Variants in ARHGAP44 observed in about 807,000 individuals in gnomAD.
The protein encoded by ARHGAP44 is Rho GTPase activating protein 44.
Under a neutral mutation model 106.8 loss-of-function variants are expected in ARHGAP44, and 43 were observed. That is an observed-to-expected ratio of 0.40 (90% CI 0.32 to 0.52). The LOEUF (loss-of-function observed/expected upper bound fraction) is 0.52. Among genes scored for constraint, ARHGAP44 ranks in the 20% least tolerant of loss-of-function variants. ARHGAP44 has a pLI of 0.48. For missense variants in ARHGAP44, 866 were observed against 1,050.5 expected (o/e 0.82, Z 2.43); for synonymous variants, 439 against 410.3 (o/e 1.07, Z -0.85).
rs552944667 is a variant in ARHGAP44, at chr17:12,979,100, T to G, written c.1764-958T>G. The stretch of plus-strand genomic sequence containing the variant: ...GAATCCAGGTAGGTTCTAGCACGGA[T>G]GACAGATGGCTCCCAACTGTGGGGC... On this transcript the variant is annotated intron_variant, in intron 18 of 20. Coordinates refer to ENST00000379672, the MANE Select transcript of ARHGAP44 (RefSeq NM_014859.6). 7.9e-5 allele frequency among the ~76,000 whole-genome samples: 12 copies of G among 152,342 alleles called. No homozygotes were observed. The South Asian group carries it at 2.5e-3, about 32-fold the overall frequency.
intron 10 of ARHGAP44, among the ~76,000 whole-genome samples, chr17:12,946,676 C>G (rs981461366): frequency 1.3e-5 from 2 of 151,654 alleles, no homozygotes; most frequent in Non-Finnish European, 2.9e-5. Context: ...GCACACGCAT[C>G]TGTAATCCCA....
intron 1 of ARHGAP44, among the ~76,000 whole-genome samples, chr17:12,841,637 C>A (rs7222493): frequency 0.48 from 48,254 of 100,528 alleles, 8,806 homozygotes; most frequent in Non-Finnish European, 0.56. Flanking sequence ...CACACACACA[C>A]ACAAACAAAC....
At chr17:12,969,062 C>T (rs925694652) in intron 16 of ARHGAP44, among the ~76,000 whole-genome samples, 1 of 152,178 alleles carries the variant, frequency 6.6e-6, no homozygotes, top group Non-Finnish European at 1.5e-5. Context: ...AGCCACTGCA[C>T]CTGGCCTCCC....
At chr17:12,852,345 C>T (rs532489001) in intron 1 of ARHGAP44, among the ~76,000 whole-genome samples, 2 of 110,950 alleles carry the variant, frequency 1.8e-5, no homozygotes, top group South Asian at 7.4e-4. Flanking sequence ...CCAAAAAACT[C>T]TTCGTTTTCG....
At chr17:12,941,892 A>G (rs2038719696) in intron 8 of ARHGAP44, among the ~76,000 whole-genome samples, 1 of 152,224 alleles carries the variant, frequency 6.6e-6, no homozygotes, top group Non-Finnish European at 1.5e-5. Context: ...TAAAGTTGGG[A>G]ATAAAAGGCT....
rs188428095 is a variant in ARHGAP44 at position 12,897,397 on chromosome 17, G to A, written c.198+886G>A. ...ATACTTCTTCCCAGCTCCTGCCGCA[G>A]TGCAAAAACCCACTCTACTTGTCCT... On this transcript the variant is annotated intron_variant, in intron 3 of 20. Coordinates refer to ENST00000379672, the MANE Select transcript of ARHGAP44 (RefSeq NM_014859.6). Among the ~76,000 whole-genome samples, 34 of 149,568 alleles carry A rather than the reference G, an allele frequency of 2.3e-4. 1 individual carries two copies. The East Asian group carries it at 6.7e-3, about 29-fold the overall frequency.
intron 10 of ARHGAP44, 138 bp downstream of exon 10, chr17:12,944,334 C>T: frequency 1.8e-6 from 2 of 1,086,238 alleles, no homozygotes; most frequent in Non-Finnish European, 2.4e-6. Context: ...GGCTCAGACC[C>T]ATCTTCTGCA....
At chr17:12,927,592 G>A (rs1357686193) in intron 6 of ARHGAP44, among the ~76,000 whole-genome samples, 1 of 152,174 alleles carries the variant, frequency 6.6e-6, no homozygotes, top group African/African-American at 2.4e-5. Flanking sequence ...CATTTCACTT[G>A]GGAGAGTTCA....
intron 1 of ARHGAP44, among the ~76,000 whole-genome samples, chr17:12,815,529 A>G (rs2034573947): frequency 6.6e-6 from 1 of 152,186 alleles, no homozygotes; most frequent in Non-Finnish European, 1.5e-5. Context: ...AAAATGATAG[A>G]TTTTTAAACT....
chr17:12,858,263 C>T (rs1328769856), intron 1 of ARHGAP44, among the ~76,000 whole-genome samples: 2 of 152,174 alleles, frequency 1.3e-5, no homozygotes, highest in Admixed American at 6.5e-5. Context: ...CCTTCCCTTT[C>T]TTTACCTACC....
chr17:12,950,619 G>C (rs1315918888), intron 12 of ARHGAP44, among the ~76,000 whole-genome samples: 1 of 152,154 alleles, frequency 6.6e-6, no homozygotes, highest in Non-Finnish European at 1.5e-5. Flanking sequence ...ATTGTTTGGA[G>C]GAATGTACTT....
chr17:12,931,847 C>G (rs896026310), intron 7 of ARHGAP44, among the ~76,000 whole-genome samples: 1 of 65,346 alleles, frequency 1.5e-5, no homozygotes, highest in Non-Finnish European at 3.3e-5. Context: ...GGGATACACA[C>G]ACACACACAC....
rs547523422 is a variant in ARHGAP44 at position 12,966,363 on chromosome 17, G to A, written c.1524-6939G>A. Among the ~76,000 whole-genome samples the A allele has an allele frequency of 3.3e-5, 5 of 152,260 alleles. 1 individual carries two copies. Among genetic ancestry groups the A allele is most frequent in the African/African-American group, 1.2e-4 (5 of 41,546 alleles). On this transcript the variant is annotated intron_variant, in intron 16 of 20. Coordinates refer to ENST00000379672, the MANE Select transcript of ARHGAP44 (RefSeq NM_014859.6). ...GGCCCCTTATCAGCCTCCTCCCCTG[G>A]ACTTAGACATTGTTGGATGCTGGGA...
chr17:12,860,848 TTTCTA>T lies in ARHGAP44; in HGVS notation c.54-34087_54-34083del, dbSNP rs1232822776. 3.9e-4 allele frequency among the ~76,000 whole-genome samples: 44 copies of T among 114,250 alleles called. 1 individual carries two copies. Among genetic ancestry groups the T allele is most frequent in the African/African-American group, 1.5e-3 (44 of 29,262 alleles). 75.0% of individuals were successfully genotyped at this position (114,250 alleles called of 152,430 possible). On this transcript the variant is annotated intron_variant, in intron 1 of 20. Transcript: ENST00000379672. ...ATTGGACCAATCGGTATATGGTTTTTTTCTATTCTTTTTTTTTTTTTTTTTTTTTT... is the reference window on the plus strand; with the variant it reads ...ATTGGACCAATCGGTATATGGTTTTTTTCTTTTTTTTTTTTTTTTTTTTTT...
At chr17:12,911,258 A>C (rs1202919604) in intron 4 of ARHGAP44, among the ~76,000 whole-genome samples, 2 of 152,228 alleles carry the variant, frequency 1.3e-5, no homozygotes, top group Non-Finnish European at 2.9e-5. Flanking sequence ...TTGGAAATAA[A>C]GATGACAGAT....
chr17:12,907,553 CAT>C (rs1272618961), intron 3 of ARHGAP44, among the ~76,000 whole-genome samples: 1 of 152,192 alleles, frequency 6.6e-6, no homozygotes, highest in Non-Finnish European at 1.5e-5. Context: ...CTGGATATTT[CAT>C]TAAATAGATT....
chr17:12,800,715 C>T (rs536645454), intron 1 of ARHGAP44, among the ~76,000 whole-genome samples: 52 of 152,288 alleles, frequency 3.4e-4, no homozygotes, highest in African/African-American at 1.2e-3. Context: ...TGCAACGTCT[C>T]TGTGAATGGG....
At chr17:12,880,699 G>C (rs934229676) in intron 1 of ARHGAP44, among the ~76,000 whole-genome samples, 33 of 112,658 alleles carry the variant, frequency 2.9e-4, no homozygotes, top group Middle Eastern at 5.1e-3. Flanking sequence ...ACTAGTGGTA[G>C]TGAAATCAAC....
chr17:12,909,148 G>T (rs1428921591), intron 4 of ARHGAP44, among the ~76,000 whole-genome samples, 175 bp downstream of exon 4: 2 of 152,216 alleles, frequency 1.3e-5, no homozygotes, highest in African/African-American at 4.8e-5. Context: ...CATATTGTCT[G>T]TGCGGTGAGG....
Sources: allele counts gnomAD v4.1 joint callset (sites outside exome capture counted in the v4.1 genomes callset), GRCh38; gene constraint gnomAD v4.1.1; transcripts MANE v1.5; gene names NCBI Gene and HGNC (gene_info 2026-07-23, HGNC 2026-07-21).